KLF12: variants seen among roughly 807,000 people sequenced by gnomAD.
The protein encoded by KLF12 is Krueppel-like factor 12.
A neutral mutation model predicts 37.8 loss-of-function variants in KLF12; 9 were observed. The ratio of observed to expected loss-of-function variants is 0.24; its 90% CI spans 0.14 to 0.42. The LOEUF (loss-of-function observed/expected upper bound fraction) is 0.42. Ranked by LOEUF, KLF12 falls within the 10% of genes least tolerant of loss-of-function variation. KLF12 has a pLI of 1.00. For synonymous variants in KLF12, 208 were observed against 202.1 expected, an observed-to-expected ratio of 1.03 and a Z score of -0.25; for missense variants, 411 against 516.0, an observed-to-expected ratio of 0.80 and a Z score of 1.97.
chr13:74,235,520 A>C, the KLF12 span, among the ~76,000 whole-genome samples: 1 of 152,226 alleles, frequency 6.6e-6, no homozygotes, highest in Non-Finnish European at 1.5e-5. Context: ...TAGTTACAAA[A>C]TATCTTTGAC....
intron 5 of KLF12, among the ~76,000 whole-genome samples, chr13:73,809,560 TCAC>T (rs958253051): frequency 6.9e-5 from 8 of 115,202 alleles, no homozygotes; most frequent in Non-Finnish European, 1.1e-4. Flanking sequence ...TTGACTTCTC[TCAC>T]CACTTCTGTC....
chr13:74,297,714 C>T, the KLF12 span, among the ~76,000 whole-genome samples: 1 of 151,872 alleles, frequency 6.6e-6, no homozygotes, highest in Non-Finnish European at 1.5e-5. Context: ...TTGGTATGGC[C>T]CATGTTATAC....
intron 5 of KLF12, among the ~76,000 whole-genome samples, chr13:73,810,982 C>CTTTATTTTTTT (rs1555308731): frequency 2.2e-5 from 1 of 44,808 alleles, no homozygotes; most frequent in African/African-American, 8.4e-5. Flanking sequence ...ATTTTTCTTT[C>CTTTATTTTTTT]TTTTTTTTTT....
chr13:73,815,433 A>C (rs1883162920), intron 4 of KLF12, among the ~76,000 whole-genome samples: 1 of 152,246 alleles, frequency 6.6e-6, no homozygotes, highest in Admixed American at 6.5e-5. Context: ...ATGAACAACC[A>C]ACACTAAAGG....
chr13:74,275,852 T>G, the KLF12 span, among the ~76,000 whole-genome samples: 3 of 118,424 alleles, frequency 2.5e-5, no homozygotes, highest in Admixed American at 1.8e-4. Flanking sequence ...CTTTCTTTCT[T>G]TCTTTCTTTC....
chr13:73,797,400 A>C (rs117140165), intron 5 of KLF12, among the ~76,000 whole-genome samples: 11,198 of 152,212 alleles, frequency 0.074, 552 homozygotes, highest in Non-Finnish European at 0.11. Flanking sequence ...TTATCACCAA[A>C]ACTATCAATT....
At chr13:74,267,438 G>C in the KLF12 span, among the ~76,000 whole-genome samples, 1 of 152,208 alleles carries the variant, frequency 6.6e-6, no homozygotes, top group African/African-American at 2.4e-5. Flanking sequence ...TGGCAACATG[G>C]ATGAGCCTGG....
At position 73,784,234 on chromosome 13, in the gene KLF12, T is replaced by G. The variant is rs548996331; in HGVS notation, c.807-19234A>C. 2.4e-4 allele frequency among the ~76,000 whole-genome samples: 36 copies of G among 152,264 alleles called. 1 individual carries two copies. The highest frequency in any genetic ancestry group is 8.7e-4 in the African/African-American group (36 of 41,558). On this transcript the variant is annotated intron_variant, in intron 5 of 7. Transcript: ENST00000377669. Reference sequence around the variant, plus strand: ...TATGCATCGCTTTCTTTTCATTCTATCAACCATTGTATCAACTGTCTCTCT... The same window carrying G: ...TATGCATCGCTTTCTTTTCATTCTAGCAACCATTGTATCAACTGTCTCTCT...
the KLF12 span, among the ~76,000 whole-genome samples, chr13:74,273,170 C>T: frequency 6.6e-6 from 1 of 151,970 alleles, no homozygotes; most frequent in African/African-American, 2.4e-5. Flanking sequence ...TACAGAATTC[C>T]TTATTTTGTG....
At chr13:74,107,096 T>C (rs1876693871) in intron 1 of KLF12, among the ~76,000 whole-genome samples, 2 of 149,312 alleles carry the variant, frequency 1.3e-5, no homozygotes, top group Admixed American at 1.3e-4. Context: ...TGTCTTCACA[T>C]GGTGGAAGGG....
rs530354324 is a variant in KLF12 at position 73,986,700 on chromosome 13, T to C, written c.33+8290A>G. ...TAGGCCAAAGTAATCACAATAGTCC[T>C]TAAATGTGAAGGAGGGAGGTAGAAG... On this transcript the variant is annotated intron_variant, in intron 2 of 7. Coordinates refer to ENST00000377669, the MANE Select transcript of KLF12 (RefSeq NM_007249.5). Among the ~76,000 whole-genome samples, 4 of 152,214 alleles carry C rather than the reference T, an allele frequency of 2.6e-5. No individual in the cohort carries two copies. In the South Asian group the frequency reaches 8.3e-4, roughly 32 times the overall value.
At chr13:74,112,384 T>G (rs1389987800) in intron 1 of KLF12, among the ~76,000 whole-genome samples, 1 of 145,166 alleles carries the variant, frequency 6.9e-6, no homozygotes, top group Admixed American at 6.9e-5. Context: ...TTTGCAGATA[T>G]TGTCTGTGTG....
At chr13:73,849,541 A>C (rs1319880190) in intron 3 of KLF12, among the ~76,000 whole-genome samples, 1 of 152,138 alleles carries the variant, frequency 6.6e-6, no homozygotes, top group Non-Finnish European at 1.5e-5. Context: ...GAATAGTGAA[A>C]ATTAAATGAA....
At chr13:74,120,399 G>C (rs1050354054) in intron 1 of KLF12, among the ~76,000 whole-genome samples, 4 of 152,168 alleles carry the variant, frequency 2.6e-5, no homozygotes, top group Non-Finnish European at 1.5e-5. Flanking sequence ...AGAATTGTTT[G>C]AACTCAGGAG....
chr13:73,868,982 T>C (rs1465628113), intron 3 of KLF12, among the ~76,000 whole-genome samples: 2 of 152,218 alleles, frequency 1.3e-5, no homozygotes, highest in African/African-American at 2.4e-5. Flanking sequence ...CTCTTGAAAA[T>C]GGGTAGTGAC....
chr13:73,883,151 G>A (rs992502407), intron 3 of KLF12, among the ~76,000 whole-genome samples: 2 of 151,880 alleles, frequency 1.3e-5, no homozygotes, highest in Admixed American at 6.6e-5. Context: ...GAAGTTTGTT[G>A]GTGGCTATTA....
chr13:74,141,331 A>G, the KLF12 span, among the ~76,000 whole-genome samples: 2 of 152,198 alleles, frequency 1.3e-5, no homozygotes, highest in African/African-American at 2.4e-5. Context: ...GTTCTACCAT[A>G]GTTGAAGCTA....
intron 6 of KLF12, among the ~76,000 whole-genome samples, chr13:73,754,022 T>C (rs1394662572): frequency 6.6e-6 from 1 of 152,152 alleles, no homozygotes; most frequent in Non-Finnish European, 1.5e-5. Context: ...GAGGCAGACA[T>C]GGAAACTCAC....
chr13:73,995,753 T>C (rs1892096952), intron 1 of KLF12, among the ~76,000 whole-genome samples: 2 of 152,218 alleles, frequency 1.3e-5, no homozygotes, highest in South Asian at 4.1e-4. Flanking sequence ...GCTGGGGAGT[T>C]CTGATTATAA....
Sources: gnomAD v4.1 joint callset for allele counts (sites outside exome capture counted in the v4.1 genomes callset) on GRCh38, gnomAD v4.1.1 for gene constraint, MANE v1.5 for transcripts, NCBI Gene and HGNC (gene_info 2026-07-23, HGNC 2026-07-21) for gene names.